Variants in PYROXD2 observed in about 807,000 individuals in gnomAD.
PYROXD2 encodes pyridine nucleotide-disulphide oxidoreductase domain 2.
Under a neutral mutation model 71.1 loss-of-function variants are expected in PYROXD2, and 69 were observed. That is an observed-to-expected ratio of 0.97 (90% CI 0.80 to 1.19). The LOEUF is 1.19. Ranked by LOEUF, PYROXD2 falls within the 50% of genes most tolerant of loss-of-function variation. The pLI is 0.00. For synonymous variants in PYROXD2, 287 were observed against 302.7 expected (o/e 0.95, Z 0.54); for missense variants, 745 against 748.9 (o/e 0.99, Z 0.06).
At chr10:98,392,013 C>A (rs1842960328) in intron 10 of PYROXD2, among the ~76,000 whole-genome samples, 1 of 152,086 alleles carries the variant, frequency 6.6e-6, no homozygotes, top group Non-Finnish European at 1.5e-5. Flanking sequence ...GTTCTGGGTG[C>A]CAGTATTTCT....
At chr10:98,409,048 A>G (rs1201997786) in intron 2 of PYROXD2, among the ~76,000 whole-genome samples, 1 of 152,202 alleles carries the variant, frequency 6.6e-6, no homozygotes, top group Non-Finnish European at 1.5e-5. Flanking sequence ...ACCTACTGAG[A>G]AAGAAACAGC....
chr10:98,401,386 G>A (rs1590962497), intron 4 of PYROXD2, among the ~76,000 whole-genome samples: 2 of 152,104 alleles, frequency 1.3e-5, no homozygotes, highest in Admixed American at 6.6e-5. Context: ...TGCTCTGGGC[G>A]AGTGAGTGGT....
chr10:98,401,998 T>C (rs1843429507), intron 4 of PYROXD2, among the ~76,000 whole-genome samples: 1 of 152,270 alleles, frequency 6.6e-6, no homozygotes, highest in African/African-American at 2.4e-5. Flanking sequence ...TCAAGTATTA[T>C]GTACTGTATA....
intron 4 of PYROXD2, among the ~76,000 whole-genome samples, chr10:98,401,902 T>C (rs1843425202): frequency 6.6e-6 from 1 of 152,162 alleles, no homozygotes; most frequent in Non-Finnish European, 1.5e-5. Flanking sequence ...AGTGAATTTT[T>C]TAAATAAGGA....
chr10:98,403,405 A>C (rs1188541218), intron 4 of PYROXD2, among the ~76,000 whole-genome samples: 1 of 152,172 alleles, frequency 6.6e-6, no homozygotes, highest in Non-Finnish European at 1.5e-5. Flanking sequence ...CCGAGTCCTC[A>C]CCAGCCAGCA....
At chr10:98,392,174 T>C (rs1842965848) in intron 10 of PYROXD2, among the ~76,000 whole-genome samples, 1 of 152,212 alleles carries the variant, frequency 6.6e-6, no homozygotes, top group Admixed American at 6.5e-5. Context: ...TAACTCTAGA[T>C]TGAAAGTCAG....
intron 8 of PYROXD2, among the ~76,000 whole-genome samples, chr10:98,394,459 G>C (rs545994305): frequency 6.6e-6 from 1 of 151,754 alleles, no homozygotes; most frequent in Non-Finnish European, 1.5e-5. Flanking sequence ...GAAAAGCCAC[G>C]TCGACGCCTT....
At chr10:98,405,367 T>C (rs578145032) in intron 4 of PYROXD2, among the ~76,000 whole-genome samples, 1 of 152,284 alleles carries the variant, frequency 6.6e-6, no homozygotes, top group Admixed American at 6.5e-5. Context: ...CCTCTCACTT[T>C]AGTTGAGGGC....
In PYROXD2 at chr10:98,390,112, G is replaced by A. The variant is rs537824467; in HGVS notation, c.1292+486C>T. Among the ~76,000 whole-genome samples the A allele has an allele frequency of 2.2e-4, 33 of 152,266 alleles. 1 individual carries two copies. In the South Asian group the frequency reaches 6.6e-3, roughly 31 times the overall value. On this transcript the variant is annotated intron_variant, in intron 12 of 15. Transcript: ENST00000370575. ...GTGTGTGCTGGACAGCGGACAGGAT[G>A]GAAAGGCACTTGCTCCTATAGCGCC...
chr10:98,395,128 A>C (rs1395553565), intron 8 of PYROXD2, 68 bp downstream of exon 8: 1 of 1,359,046 alleles, frequency 7.4e-7, no homozygotes, highest in South Asian at 1.2e-5. Context: ...TGCCACTGCC[A>C]CTGTTGTCCT....
intron 5 of PYROXD2, 81 bp downstream of exon 5, chr10:98,400,020 CA>C: frequency 6.6e-7 from 1 of 1,518,426 alleles, no homozygotes; most frequent in Non-Finnish European, 8.9e-7. Flanking sequence ...GGCCTTTGAA[CA>C]ATTGTTCTAG....
intron 9 of PYROXD2, 121 bp downstream of exon 9, chr10:98,392,821 G>T: frequency 8.0e-7 from 1 of 1,246,150 alleles, no homozygotes. Context: ...TCTTGATTCT[G>T]CAACCCATCC....
At chr10:98,387,386 A>G in intron 13 of PYROXD2, 79 bp from the exon 14 acceptor site, 3 of 918,306 alleles carry the variant, frequency 3.3e-6, no homozygotes, top group Non-Finnish European at 5.2e-6. Context: ...TGGCAAATTT[A>G]CTAACAGTCA....
chr10:98,400,127 G>C lies in PYROXD2; in HGVS notation c.446C>G (p.Ala149Gly). ...CTGGGCATCCTTCTGGGAGAACTGG[G>C]CGATCTGCTTCTGGTTTTCTGCCAT... is the stretch of plus-strand genomic sequence containing the variant. ...TDMAENQKQI[A>G]QFSQKDAQVF... The change falls in exon 5 of 16, where the codon GCC (alanine) becomes GGC (glycine). Residue 149 changes from alanine to glycine, a missense_variant. Ala to Gly is a moderately conservative substitution (Grantham distance 60). Transcript: ENST00000370575. 3.1e-6 allele frequency: 5 copies of C among 1,613,636 alleles called. No individual in the cohort carries two copies. Among genetic ancestry groups the C allele is most frequent in the Non-Finnish European group, 4.2e-6 (5 of 1,179,794 alleles).
At chr10:98,414,900 CAGA>C in intron 1 of PYROXD2, 106 bp downstream of exon 1, 1 of 1,477,054 alleles carries the variant, frequency 6.8e-7, no homozygotes, top group Non-Finnish European at 9.1e-7. Context: ...TGGGTTATGC[CAGA>C]GGAGAGAGCA....
At chr10:98,403,355 G>C (rs767874656) in intron 4 of PYROXD2, among the ~76,000 whole-genome samples, 3 of 152,204 alleles carry the variant, frequency 2.0e-5, no homozygotes, top group Non-Finnish European at 4.4e-5. Flanking sequence ...CCGCTGCAGC[G>C]GCGGCCTAGT....
At position 98,385,080 on chromosome 10, in the gene PYROXD2, G is replaced by A. The variant is rs1174660856; in HGVS notation, c.1555-13C>T. 6.2e-7 allele frequency: 1 copy of A among 1,613,276 alleles called. No homozygotes were observed. The highest frequency in any genetic ancestry group is 8.5e-7 in the Non-Finnish European group (1 of 1,179,810). ...AGTGGAATATGTTCTGCAGAGGCAG[G>A]GCCACAGTCATCAGCACAGGAGAGT... On this transcript the variant is annotated splice_polypyrimidine_tract_variant and intron_variant, in intron 14 of 15. Coordinates refer to ENST00000370575, the MANE Select transcript of PYROXD2 (RefSeq NM_032709.3).
chr10:98,399,063 C>T (rs149168080), intron 5 of PYROXD2, among the ~76,000 whole-genome samples: 2,315 of 152,232 alleles, frequency 0.015, 51 homozygotes, highest in African/African-American at 0.052. Context: ...ATTGCTTGAA[C>T]CCGGGAGGCA....
chr10:98,408,121 C>T (rs1016233249), intron 2 of PYROXD2, 124 bp from the exon 3 acceptor site: 5 of 785,878 alleles, frequency 6.4e-6, no homozygotes, highest in Middle Eastern at 2.5e-4. Flanking sequence ...CCATGGCCTC[C>T]CTGCCCCGCT....
Sources: gnomAD v4.1 joint callset for allele counts (sites outside exome capture counted in the v4.1 genomes callset) on GRCh38, gnomAD v4.1.1 for gene constraint, MANE v1.5 for transcripts, NCBI Gene and HGNC (gene_info 2026-07-23, HGNC 2026-07-21) for gene names.